Variants in EXD3 observed in about 807,000 individuals in gnomAD.
The protein encoded by EXD3 is exonuclease mut-7 homolog.
In EXD3, 92 loss-of-function variants were observed where a neutral mutation model predicts 98.0. The observed-to-expected ratio is 0.94, with a 90% CI of 0.79 to 1.12. The LOEUF is 1.12. Ranked by LOEUF, EXD3 falls within the 50% of genes most tolerant of loss-of-function variation. The probability of loss-of-function intolerance (pLI) is 0.00; values close to 1 mark genes in which losing one functional copy is unlikely to be tolerated. For missense variants in EXD3, 1,222 were observed against 1,191.6 expected (o/e 1.03, Z -0.38); for synonymous variants, 569 against 526.0 (o/e 1.08, Z -1.12).
At position 137,397,419 on chromosome 9, in the gene EXD3, G is replaced by T. The variant is rs141742201; in HGVS notation, c.-47-2015C>A. Among the ~76,000 whole-genome samples, 3 of 152,226 alleles carry T rather than the reference G, an allele frequency of 2.0e-5. No individual in the cohort carries two copies. In the East Asian group the frequency reaches 5.8e-4, roughly 29 times the overall value. On this transcript the variant is annotated intron_variant, in intron 1 of 21. Coordinates refer to ENST00000340951, the MANE Select transcript of EXD3 (RefSeq NM_017820.5). ...TCAGCCAGAAGCTGAACAGCCCACC[G>T]GAGCGAAAAACAATGCTCTTCAGAG...
intron 7 of EXD3, 135 bp from the exon 8 acceptor site, chr9:137,356,503 G>A (rs372285051): frequency 6.1e-5 from 38 of 627,702 alleles, no homozygotes; most frequent in African/African-American, 1.8e-4. Context: ...AGGCGTCACC[G>A]CCCCCCGCCC....
chr9:137,410,791 C>T (rs908753277), intron 1 of EXD3, among the ~76,000 whole-genome samples: 4 of 152,096 alleles, frequency 2.6e-5, no homozygotes, highest in African/African-American at 7.2e-5. Context: ...CTGCTGAGGG[C>T]GGGGGGCAGG....
chr9:137,326,944 C>A (rs1832435354), intron 17 of EXD3, among the ~76,000 whole-genome samples: 1 of 152,150 alleles, frequency 6.6e-6, no homozygotes, highest in East Asian at 1.9e-4. Flanking sequence ...GAAGGACGTT[C>A]CGACACAGGC....
chr9:137,348,590 G>A (rs1263018201), intron 16 of EXD3, among the ~76,000 whole-genome samples: 8 of 125,026 alleles, frequency 6.4e-5, no homozygotes, highest in Non-Finnish European at 1.7e-5. Flanking sequence ...GTGCTAGATA[G>A]AGAGGGGTGA....
At chr9:137,354,129 C>G (rs1834473432) in intron 10 of EXD3, 3 of 1,419,342 alleles carry the variant, frequency 2.1e-6, no homozygotes, top group Admixed American at 2.9e-5. Context: ...CAGTCAGGCT[C>G]TACTGATGCC....
intron 2 of EXD3, among the ~76,000 whole-genome samples, chr9:137,383,722 C>A (rs1250278857): frequency 6.6e-6 from 1 of 152,238 alleles, no homozygotes; most frequent in Non-Finnish European, 1.5e-5. Flanking sequence ...CTGGCGCCCT[C>A]GGCAACCTCA....
At chr9:137,355,656 A>AGGAGGAAGGAGAAAGGGAGGAT (rs1564509011) in intron 8 of EXD3, among the ~76,000 whole-genome samples, 14 of 77,730 alleles carry the variant, frequency 1.8e-4, no homozygotes, top group Non-Finnish European at 3.1e-4. Flanking sequence ...GGAAGGAGGA[A>AGGAGGAAGGAGAAAGGGAGGAT]GGAGGAAGGA....
chr9:137,358,870 G>A (rs1203879641), intron 7 of EXD3, among the ~76,000 whole-genome samples: 1 of 151,502 alleles, frequency 6.6e-6, no homozygotes, highest in Non-Finnish European at 1.5e-5. Flanking sequence ...ATTTTTTGTA[G>A]AGACGGGGTT....
chr9:137,358,969 C>T (rs1455636632), intron 7 of EXD3, among the ~76,000 whole-genome samples: 2 of 150,912 alleles, frequency 1.3e-5, no homozygotes, highest in Non-Finnish European at 3.0e-5. Flanking sequence ...TTTTTTGAGG[C>T]AGAATCTTGC....
At chr9:137,362,506 ATTT>A (rs35995834) in intron 7 of EXD3, among the ~76,000 whole-genome samples, 1 of 143,334 alleles carries the variant, frequency 7.0e-6, no homozygotes. Context: ...GAACTTCCTC[ATTT>A]TTTTTTTTTT....
chr9:137,353,233 C>T (rs1834407661), intron 10 of EXD3: 1 of 984,116 alleles, frequency 1.0e-6, no homozygotes, highest in Non-Finnish European at 1.2e-6. Flanking sequence ...ACCTTTCCAG[C>T]CTCCAAGCCT....
chr9:137,329,329 A>G (rs1354636989), intron 17 of EXD3, among the ~76,000 whole-genome samples: 3 of 8,956 alleles, frequency 3.3e-4, no homozygotes, highest in South Asian at 6.8e-3. Flanking sequence ...ACTACACGGG[A>G]GCTACACGGG....
rs2119105251 is a variant in EXD3 at position 137,324,157 on chromosome 9, G to A, written c.1999-14C>T. The stretch of plus-strand genomic sequence containing the variant: ...CTGCCTGGCAACCTGTGTGGGAGGT[G>A]CGACCAGCACATAAAGGGGGCAGCT... On this transcript the variant is annotated splice_polypyrimidine_tract_variant and intron_variant, in intron 17 of 21. Coordinates refer to ENST00000340951, the MANE Select transcript of EXD3 (RefSeq NM_017820.5). The surrounding 1 kb of genome is among the most constrained non-coding windows in gnomAD (Gnocchi z 4.1). 1 of 1,568,950 alleles carries A rather than the reference G, an allele frequency of 6.4e-7. No homozygotes were observed. Among genetic ancestry groups the A allele is most frequent in the South Asian group, 1.2e-5 (1 of 85,312 alleles).
Position 137,367,962 on chromosome 9 carries a change from G to A in EXD3, c.490C>T (p.Leu164=). The part of the protein sequence containing the change: ...EAATLGATLK[L]QSELGVEKMS... ...TTTTCAACGCCAAGCTCCGACTGCA[G>A]CTTCAACGTCGCGCCCAGCGTGGCT... Residue 164 remains leucine (L), a synonymous_variant, in exon 6 of 22, where the codon CTG becomes TTG. Coordinates refer to ENST00000340951, the MANE Select transcript of EXD3 (RefSeq NM_017820.5). 1 of 1,611,930 alleles carries A rather than the reference G, an allele frequency of 6.2e-7. No homozygotes were observed. Among genetic ancestry groups the A allele is most frequent in the Non-Finnish European group, 8.5e-7 (1 of 1,179,732 alleles).
rs376955968 is a variant in EXD3 at position 137,324,109 on chromosome 9, G to C, written c.2033C>G (p.Ser678Trp). The C allele has an allele frequency of 1.3e-6, 2 of 1,588,378 alleles. No individual in the cohort carries two copies. The highest frequency in any genetic ancestry group is 1.7e-6 in the Non-Finnish European group (2 of 1,168,170). Residue 678 changes from serine to tryptophan, a missense_variant, in exon 18 of 22, where the codon TCG (serine) becomes TGG (tryptophan). Ser to Trp is a radical substitution (Grantham distance 177). Transcript: ENST00000340951. The surrounding 1 kb of genome is among the most constrained non-coding windows in gnomAD (Gnocchi z 4.1). ...ACTCACCTTGTGGAATGGCTGCCCCGACGTCAGAATGATCCTCCCCTCCTG... is the reference window on the plus strand; with the variant it reads ...ACTCACCTTGTGGAATGGCTGCCCCCACGTCAGAATGATCCTCCCCTCCTG... ...ARQEGRIILT[S>W]GQPFHKLRAQ... is the part of the protein sequence containing the mutation.
At chr9:137,330,122 CACAGGAGCT>C (rs1254326486) in intron 17 of EXD3, among the ~76,000 whole-genome samples, 2 of 116,356 alleles carry the variant, frequency 1.7e-5, no homozygotes, top group African/African-American at 6.7e-5. Context: ...ACAGGAGCTA[CACAGGAGCT>C]ACACAGGAAC....
intron 1 of EXD3, among the ~76,000 whole-genome samples, chr9:137,398,589 A>C (rs71485019): frequency 0.34 from 37,272 of 109,756 alleles, 5,875 homozygotes; most frequent in Middle Eastern, 0.41. Context: ...CACACAGGCA[A>C]CCGCGTCCCC....
chr9:137,329,907 G>C (rs1832892223), intron 17 of EXD3, among the ~76,000 whole-genome samples: 1 of 44,534 alleles, frequency 2.2e-5, no homozygotes, highest in Non-Finnish European at 4.2e-5. Flanking sequence ...GAGCTACACG[G>C]GACTACACAG....
At chr9:137,383,508 C>T in intron 2 of EXD3, 131 bp from the exon 3 acceptor site, 1 of 628,808 alleles carries the variant, frequency 1.6e-6, no homozygotes, top group Non-Finnish European at 2.8e-6. Context: ...CGGGAACCCT[C>T]CCCCACCTCT....
Sources: allele counts gnomAD v4.1 joint callset (sites outside exome capture counted in the v4.1 genomes callset), GRCh38; gene constraint gnomAD v4.1.1; non-coding constraint Gnocchi (gnomAD v3.1); transcripts MANE v1.5; gene names NCBI Gene and HGNC (gene_info 2026-07-23, HGNC 2026-07-21).